DLGAP2: variants seen among roughly 807,000 people sequenced by gnomAD.
DLGAP2 encodes the protein DLG associated protein 2.
DLGAP2 carries 26 observed loss-of-function variants against 100.3 expected under a neutral mutation model. That is an observed-to-expected ratio of 0.26 (90% CI 0.19 to 0.36). The LOEUF (loss-of-function observed/expected upper bound fraction) is 0.36. Among genes scored for constraint, DLGAP2 ranks in the 10% least tolerant of loss-of-function variants. The pLI is 1.00. For missense variants in DLGAP2, 1,858 were observed against 1,453.2 expected, an observed-to-expected ratio of 1.28 and a Z score of -4.53; for synonymous variants, 886 against 630.1, an observed-to-expected ratio of 1.41 and a Z score of -6.08.
At chr8:1,325,623 A>G (rs934417266) in intron 3 of DLGAP2, among the ~76,000 whole-genome samples, 1 of 152,216 alleles carries the variant, frequency 6.6e-6, no homozygotes, top group Admixed American at 6.5e-5. Flanking sequence ...GGACACAAGC[A>G]TACCCTACAG....
At chr8:1,598,461 C>G (rs1287915304) in intron 6 of DLGAP2, among the ~76,000 whole-genome samples, 2 of 152,180 alleles carry the variant, frequency 1.3e-5, no homozygotes, top group Admixed American at 6.5e-5. Context: ...CTTTGTACCT[C>G]TGGTAGAATT....
chr8:1,268,994 C>A (rs1251378624), intron 3 of DLGAP2, among the ~76,000 whole-genome samples: 1 of 152,170 alleles, frequency 6.6e-6, no homozygotes, highest in African/African-American at 2.4e-5. Flanking sequence ...AGTCCTTGGT[C>A]TGAGATGAAT....
intron 2 of DLGAP2, among the ~76,000 whole-genome samples, chr8:1,152,419 G>A (rs963848352): frequency 6.6e-6 from 1 of 152,180 alleles, no homozygotes; most frequent in African/African-American, 2.4e-5. Context: ...GTATTTAAAC[G>A]GGATGAAATA....
At chr8:836,077 C>A (rs187720550) in intron 1 of DLGAP2, among the ~76,000 whole-genome samples, 1 of 152,198 alleles carries the variant, frequency 6.6e-6, no homozygotes, top group Non-Finnish European at 1.5e-5. Flanking sequence ...ACACCCGCAG[C>A]CATGGAGCAC....
At chr8:1,598,363 A>G (rs1413598550) in intron 6 of DLGAP2, among the ~76,000 whole-genome samples, 1 of 152,154 alleles carries the variant, frequency 6.6e-6, no homozygotes, top group East Asian at 1.9e-4. Flanking sequence ...TGGTATCAGG[A>G]TGATGCTGGC....
intron 3 of DLGAP2, among the ~76,000 whole-genome samples, chr8:1,481,917 C>T (rs1020289617): frequency 2.6e-5 from 4 of 152,216 alleles, no homozygotes; most frequent in Non-Finnish European, 4.4e-5. Flanking sequence ...TCCAGCCCGA[C>T]CCGATTATCC....
intron 3 of DLGAP2, among the ~76,000 whole-genome samples, chr8:1,351,445 GGGT>G: frequency 2.2e-5 from 1 of 45,622 alleles, no homozygotes; most frequent in African/African-American, 6.2e-5. Flanking sequence ...AAGGCCGTGT[GGGT>G]CCTGACTGTG....
intron 3 of DLGAP2, among the ~76,000 whole-genome samples, chr8:1,290,477 A>T (rs1200169738): frequency 6.6e-6 from 1 of 152,222 alleles, no homozygotes; most frequent in Admixed American, 6.5e-5. Context: ...TTCTCATCAG[A>T]GGATAAAATC....
chr8:780,728 C>T (rs1178213943), intron 1 of DLGAP2, among the ~76,000 whole-genome samples: 1 of 152,226 alleles, frequency 6.6e-6, no homozygotes, highest in Non-Finnish European at 1.5e-5. Context: ...ACTCACAGCA[C>T]ATTGTCATTA....
intron 2 of DLGAP2, among the ~76,000 whole-genome samples, chr8:1,175,243 T>C (rs930957398): frequency 6.6e-6 from 1 of 151,818 alleles, no homozygotes; most frequent in Non-Finnish European, 1.5e-5. Context: ...ATGCTTGATT[T>C]TAAAAAAAAA....
chr8:787,581 G>C (rs574708827), intron 1 of DLGAP2, among the ~76,000 whole-genome samples: 1 of 152,336 alleles, frequency 6.6e-6, no homozygotes, highest in South Asian at 2.1e-4. Context: ...TACTTGGTGA[G>C]GTCAGCAGTG....
At chr8:809,411 A>G (rs1003561303) in intron 1 of DLGAP2, among the ~76,000 whole-genome samples, 1 of 150,740 alleles carries the variant, frequency 6.6e-6, no homozygotes, top group Non-Finnish European at 1.5e-5. Flanking sequence ...TGCTAAGAAA[A>G]TACGTCATCA....
chr8:809,688 G>A (rs1056214364), intron 1 of DLGAP2, among the ~76,000 whole-genome samples: 15 of 152,154 alleles, frequency 9.9e-5, no homozygotes, highest in East Asian at 1.9e-4. Context: ...TTGTTTTCAT[G>A]TGAGCTCACC....
intron 14 of DLGAP2, among the ~76,000 whole-genome samples, chr8:1,700,430 G>C: frequency 6.6e-6 from 1 of 151,488 alleles, no homozygotes; most frequent in Non-Finnish European, 1.5e-5. Flanking sequence ...CACGGGGCAG[G>C]TCCCACTGTC....
At chr8:1,433,458 G>C (rs1797518221) in intron 3 of DLGAP2, among the ~76,000 whole-genome samples, 1 of 152,196 alleles carries the variant, frequency 6.6e-6, no homozygotes, top group East Asian at 1.9e-4. Context: ...TTTTGCAAAG[G>C]TGCTTGCTGC....
intron 3 of DLGAP2, among the ~76,000 whole-genome samples, chr8:1,470,076 C>G (rs1489785622): frequency 6.6e-6 from 1 of 152,000 alleles, no homozygotes; most frequent in Non-Finnish European, 1.5e-5. Context: ...GCAGGAGGAT[C>G]ACTTGAGCCC....
At chr8:1,538,793 C>A (rs1801247017) in intron 4 of DLGAP2, among the ~76,000 whole-genome samples, 1 of 152,176 alleles carries the variant, frequency 6.6e-6, no homozygotes, top group African/African-American at 2.4e-5. Context: ...AGAGTCACGC[C>A]CCGGGTGGAC....
intron 2 of DLGAP2, among the ~76,000 whole-genome samples, chr8:1,216,514 T>A (rs985362681): frequency 2.0e-5 from 3 of 151,944 alleles, no homozygotes; most frequent in African/African-American, 7.3e-5. Context: ...TTTTTTCAAT[T>A]TTTTTACAGA....
At chr8:1,423,789 C>G (rs775151968) in intron 3 of DLGAP2, among the ~76,000 whole-genome samples, 1 of 152,176 alleles carries the variant, frequency 6.6e-6, no homozygotes, top group Non-Finnish European at 1.5e-5. Flanking sequence ...GGCCCATGCA[C>G]TTGCAAGCTT....
Sources: allele counts gnomAD v4.1 joint callset (sites outside exome capture counted in the v4.1 genomes callset), GRCh38; gene constraint gnomAD v4.1.1; transcripts MANE v1.5; gene names NCBI Gene and HGNC (gene_info 2026-07-23, HGNC 2026-07-21).